The following WWOX variants were observed in gnomAD, a reference collection of about 807,000 sequenced individuals.
The protein encoded by WWOX is WW domain-containing oxidoreductase.
WWOX carries 69 observed loss-of-function variants against 46.2 expected under a neutral mutation model. That is an observed-to-expected ratio of 1.49 (90% CI 1.23 to 1.82). The LOEUF is 1.82. Ranked by LOEUF, WWOX falls within the 40% of genes most tolerant of loss-of-function variation. The pLI is 0.00. For missense variants in WWOX, 919 were observed against 542.6 expected (o/e 1.69, Z -6.89); for synonymous variants, 359 against 202.6 (o/e 1.77, Z -6.56).
At chr16:78,416,689 A>G (rs780968726) in intron 6 of WWOX, among the ~76,000 whole-genome samples, 2 of 152,152 alleles carry the variant, frequency 1.3e-5, no homozygotes, top group Non-Finnish European at 2.9e-5. Context: ...TAAAATTCCC[A>G]ATGTCCAGGC....
chr16:78,378,778 C>G (rs764281578), intron 5 of WWOX, among the ~76,000 whole-genome samples: 5 of 152,332 alleles, frequency 3.3e-5, no homozygotes, highest in South Asian at 4.1e-4. Flanking sequence ...GCAATAAGCT[C>G]TGAGTGTAGA....
intron 8 of WWOX, among the ~76,000 whole-genome samples, chr16:78,445,452 C>A (rs2083538113): frequency 6.6e-6 from 1 of 152,174 alleles, no homozygotes; most frequent in East Asian, 1.9e-4. Flanking sequence ...AGGTCCCTGT[C>A]CTCATGGGGA....
intron 8 of WWOX, among the ~76,000 whole-genome samples, chr16:78,679,504 T>C (rs1195847397): frequency 6.6e-6 from 1 of 151,936 alleles, no homozygotes; most frequent in Non-Finnish European, 1.5e-5. Context: ...TGAGCCAAAA[T>C]TGCACCACTG....
At chr16:79,004,363 G>C (rs1172011408) in intron 8 of WWOX, 1 of 152,230 alleles carries the variant, frequency 6.6e-6, no homozygotes, top group Non-Finnish European at 1.5e-5. Context: ...ATTCATGGCT[G>C]CCAGGAGGAC....
intron 8 of WWOX, among the ~76,000 whole-genome samples, chr16:79,193,367 A>G (rs2051175036): frequency 6.6e-6 from 1 of 152,000 alleles, no homozygotes; most frequent in Admixed American, 6.6e-5. Context: ...ACTTCAGTCG[A>G]TGTAGGGCAT....
intron 8 of WWOX, among the ~76,000 whole-genome samples, chr16:79,111,764 T>C (rs2049421129): frequency 6.6e-6 from 1 of 152,160 alleles, no homozygotes; most frequent in Admixed American, 6.6e-5. Context: ...TATTAGAATT[T>C]CATCCAAAGA....
intron 5 of WWOX, among the ~76,000 whole-genome samples, chr16:78,333,298 C>T: frequency 7.5e-6 from 1 of 133,782 alleles, no homozygotes; most frequent in South Asian, 2.5e-4. Flanking sequence ...ATCCGCCTGC[C>T]TTGGCCTGCC....
chr16:78,329,689 C>T (rs2080712122), intron 5 of WWOX, among the ~76,000 whole-genome samples: 1 of 151,942 alleles, frequency 6.6e-6, no homozygotes, highest in Non-Finnish European at 1.5e-5. Context: ...CCAATGTAGC[C>T]AACATATACA....
chr16:78,400,273 G>C (rs545288009), intron 6 of WWOX, among the ~76,000 whole-genome samples: 26 of 152,258 alleles, frequency 1.7e-4, no homozygotes, highest in African/African-American at 6.0e-4. Context: ...TTATGCATAA[G>C]GTGACAAATT....
At chr16:78,326,340 T>A (rs963311708) in intron 5 of WWOX, among the ~76,000 whole-genome samples, 2 of 152,228 alleles carry the variant, frequency 1.3e-5, no homozygotes, top group Non-Finnish European at 2.9e-5. Flanking sequence ...GTATATGATA[T>A]GCCAATTTGG....
chr16:79,129,341 A>C (rs746911177), intron 8 of WWOX, among the ~76,000 whole-genome samples: 3 of 149,790 alleles, frequency 2.0e-5, no homozygotes, highest in Admixed American at 6.7e-5. Context: ...TTATGCACAT[A>C]GTCACACACC....
chr16:78,282,183 C>T (rs1311070219), intron 5 of WWOX, among the ~76,000 whole-genome samples: 3 of 152,140 alleles, frequency 2.0e-5, no homozygotes, highest in Non-Finnish European at 2.9e-5. Flanking sequence ...TGAGAGGCCC[C>T]GTTCCCTAAT....
At chr16:79,026,593 G>C (rs573383508) in intron 8 of WWOX, among the ~76,000 whole-genome samples, 2 of 149,494 alleles carry the variant, frequency 1.3e-5, no homozygotes, top group South Asian at 4.3e-4. Flanking sequence ...AGAGAACACA[G>C]AGCCTGGCAT....
chr16:78,481,724 AGTGTGT>A lies in WWOX; in HGVS notation c.1056+49008_1056+49013del, dbSNP rs67780639. Among the ~76,000 whole-genome samples, 295 of 137,042 alleles carry A rather than the reference AGTGTGT, an allele frequency of 2.2e-3. 1 individual carries two copies. The highest frequency in any genetic ancestry group is 9.3e-3 in the East Asian group (44 of 4,754). The allele number at this position is 137,042 out of a possible 152,430, so 89.9% of individuals were successfully genotyped here. ...TATGACTTTTGCTCAGGGCAAGGGAAGTGTGTGTGTGTGTGTGTGTGTGTGTGTGTG... is the reference window on the plus strand; with the variant it reads ...TATGACTTTTGCTCAGGGCAAGGGAAGTGTGTGTGTGTGTGTGTGTGTGTG... On this transcript the variant is annotated intron_variant, in intron 8 of 8. Transcript: ENST00000566780.
intron 4 of WWOX, among the ~76,000 whole-genome samples, chr16:78,151,737 GT>G (rs1176071156): frequency 6.6e-6 from 1 of 152,186 alleles, no homozygotes; most frequent in Non-Finnish European, 1.5e-5. Flanking sequence ...ATGTATGCAT[GT>G]GTTAAAAATG....
intron 8 of WWOX, among the ~76,000 whole-genome samples, chr16:78,509,750 G>T (rs1057216484): frequency 3.9e-5 from 6 of 152,092 alleles, no homozygotes; most frequent in African/African-American, 1.4e-4. Context: ...TGTTAATAAT[G>T]CAGATTAAAT....
At chr16:79,136,625 C>G (rs9932499) in intron 8 of WWOX, among the ~76,000 whole-genome samples, 36,339 of 152,056 alleles carry the variant, frequency 0.24, 5,747 homozygotes, top group African/African-American at 0.44. Context: ...ACCTGCCCTT[C>G]ACTGGTGGTC....
At chr16:78,616,364 C>T (rs2151637224) in intron 8 of WWOX, among the ~76,000 whole-genome samples, 1 of 152,230 alleles carries the variant, frequency 6.6e-6, no homozygotes, top group East Asian at 1.9e-4. Context: ...AAGAGGAAGG[C>T]ACTGGCAGAT....
chr16:78,131,684 C>T (rs546580891), intron 4 of WWOX, among the ~76,000 whole-genome samples: 19 of 151,174 alleles, frequency 1.3e-4, no homozygotes, highest in East Asian at 8.0e-4. Context: ...CAGGTTCAAG[C>T]GATTCTCCTG....
Sources: gnomAD v4.1 joint callset for allele counts (sites outside exome capture counted in the v4.1 genomes callset) on GRCh38, gnomAD v4.1.1 for gene constraint, MANE v1.5 for transcripts, NCBI Gene and HGNC (gene_info 2026-07-23, HGNC 2026-07-21) for gene names.